CATSPER3: variants seen among roughly 807,000 people sequenced by gnomAD.
CATSPER3 encodes the protein cation channel sperm-associated protein 3.
Under a neutral mutation model 36.6 loss-of-function variants are expected in CATSPER3, and 23 were observed. The observed-to-expected ratio is 0.63, with a 90% CI of 0.45 to 0.89. CATSPER3 has a LOEUF of 0.89. Among genes scored for constraint, CATSPER3 ranks in the 40% least tolerant of loss-of-function variants. CATSPER3 has a pLI of 0.00. For missense variants in CATSPER3, 474 were observed against 503.9 expected, an observed-to-expected ratio of 0.94 and a Z score of 0.57; for synonymous variants, 172 against 184.1, an observed-to-expected ratio of 0.93 and a Z score of 0.53.
At chr5:134,993,190 GA>G (rs1304388204) in intron 2 of CATSPER3, among the ~76,000 whole-genome samples, 1 of 152,148 alleles carries the variant, frequency 6.6e-6, no homozygotes, top group Non-Finnish European at 1.5e-5. Context: ...TCCATGAAGT[GA>G]AAAAAGCCAG....
At chr5:135,000,802 C>A (rs921079217) in intron 3 of CATSPER3, among the ~76,000 whole-genome samples, 1 of 151,918 alleles carries the variant, frequency 6.6e-6, no homozygotes, top group East Asian at 1.9e-4. Context: ...CTATTTGATT[C>A]TTCTCTCTTT....
chr5:134,972,386 G>A (rs1203390320), intron 2 of CATSPER3, among the ~76,000 whole-genome samples: 2 of 152,136 alleles, frequency 1.3e-5, no homozygotes, highest in African/African-American at 2.4e-5. Flanking sequence ...GGGAGAGACT[G>A]TAGCATATGA....
intron 2 of CATSPER3, among the ~76,000 whole-genome samples, chr5:134,985,207 A>G (rs1561459949): frequency 6.6e-6 from 1 of 152,244 alleles, no homozygotes; most frequent in Admixed American, 6.5e-5. Flanking sequence ...TGGATAAAGA[A>G]AATGTGATAT....
At chr5:134,969,100 A>G (rs1044974090) in intron 1 of CATSPER3, 3 of 152,360 alleles carry the variant, frequency 2.0e-5, no homozygotes, top group East Asian at 3.9e-4. Context: ...TGGACATACC[A>G]TAATTTACTT....
At chr5:134,984,096 G>C (rs1008287061) in intron 2 of CATSPER3, among the ~76,000 whole-genome samples, 5 of 152,172 alleles carry the variant, frequency 3.3e-5, no homozygotes, top group Non-Finnish European at 5.9e-5. Context: ...GTAGAAGAAT[G>C]AAACTGGATC....
Position 135,008,022 on chromosome 5 carries a change from C to T in CATSPER3, c.558C>T (p.Leu186=). The T allele has an allele frequency of 1.2e-6, 2 of 1,614,186 alleles. No homozygotes were observed. The highest frequency in any genetic ancestry group is 2.2e-5 in the South Asian group (2 of 91,084). The change falls in exon 4 of 8, where the codon CTC becomes CTT. Residue 186 remains leucine (L), a synonymous_variant. Coordinates refer to ENST00000282611, the MANE Select transcript of CATSPER3 (RefSeq NM_178019.3). ...TVASVLLLLF[L]LMYIFAILGF... ...CCTCTGTGCTCCTCCTGCTCTTCCT[C>T]CTCATGTACATCTTCGCTATCTTGG...
At position 134,981,578 on chromosome 5, in the gene CATSPER3, A is replaced by G. The variant is rs144368503; in HGVS notation, c.252+11486A>G. 3.3e-5 allele frequency among the ~76,000 whole-genome samples: 5 copies of G among 152,356 alleles called. No individual in the cohort carries two copies. The East Asian group carries it at 9.6e-4, about 29-fold the overall frequency. On this transcript the variant is annotated intron_variant, in intron 2 of 7. Coordinates refer to ENST00000282611, the MANE Select transcript of CATSPER3 (RefSeq NM_178019.3). ...TCAGAGATCACACACAACAAAGAAT[A>G]TAGTTCTTTGCAAAAATAGTTTAGA... is the stretch of plus-strand genomic sequence containing the variant.
chr5:134,988,484 A>G (rs924264997), intron 2 of CATSPER3, among the ~76,000 whole-genome samples: 1 of 152,200 alleles, frequency 6.6e-6, no homozygotes, highest in African/African-American at 2.4e-5. Context: ...GCTTTTATCA[A>G]CGAAGTTTAC....
At chr5:134,969,807 T>C (rs1751579424) in intron 1 of CATSPER3, 132 bp from the exon 2 acceptor site, 1 of 924,136 alleles carries the variant, frequency 1.1e-6, no homozygotes, top group Non-Finnish European at 1.8e-6. Context: ...CTCATTGCTA[T>C]TTAAAAGTAT....
In CATSPER3 at chr5:134,968,080, A is replaced by G; in HGVS notation, c.89A>G (p.Lys30Arg). 1 of 1,604,924 alleles carries G rather than the reference A, an allele frequency of 6.2e-7. No individual in the cohort carries two copies. Among genetic ancestry groups the G allele is most frequent in the Non-Finnish European group, 8.5e-7 (1 of 1,171,636 alleles). Residue 30 changes from lysine to arginine, a missense_variant, in exon 1 of 8, where the codon AAG becomes AGG. Physicochemically the swap from Lys to Arg is conservative, Grantham distance 26 (BLOSUM62 2). Coordinates refer to ENST00000282611, the MANE Select transcript of CATSPER3 (RefSeq NM_178019.3). The stretch of plus-strand genomic sequence containing the variant: ...TCGGTGGGATTTTGCCCAACATTCA[A>G]GAAATTTAAGTAAATATTATCTATC... ...TTSVGFCPTF[K>R]KFKRNDDECR...
chr5:134,993,902 A>G (rs1751912998), intron 2 of CATSPER3, among the ~76,000 whole-genome samples: 2 of 152,214 alleles, frequency 1.3e-5, no homozygotes, highest in Non-Finnish European at 2.9e-5. Context: ...ATGCGGGCAG[A>G]TCACGTGAGA....
At chr5:134,993,326 T>C (rs2149549926) in intron 2 of CATSPER3, among the ~76,000 whole-genome samples, 1 of 152,336 alleles carries the variant, frequency 6.6e-6, no homozygotes, top group South Asian at 2.1e-4. Flanking sequence ...GAGAACTTAT[T>C]GTTTATTGGG....
chr5:134,977,328 GA>G (rs1751686162), intron 2 of CATSPER3, among the ~76,000 whole-genome samples: 2 of 152,242 alleles, frequency 1.3e-5, no homozygotes, highest in South Asian at 4.2e-4. Flanking sequence ...GACACATCTT[GA>G]ACATTTTGCT....
At position 135,007,533 on chromosome 5, in the gene CATSPER3, C is replaced by T. The variant is rs150632496; in HGVS notation, c.493-424C>T. 3.2e-4 allele frequency among the ~76,000 whole-genome samples: 48 copies of T among 152,298 alleles called. No individual in the cohort carries two copies. The East Asian group carries it at 8.5e-3, about 27-fold the overall frequency. On this transcript the variant is annotated intron_variant, in intron 3 of 7. Transcript: ENST00000282611. ...CACATTCCTCTCGGCCTTCTGTATA[C>T]TCACTCCCAGAGTCGTTCCCCTACT...
At position 134,970,033 on chromosome 5, in the gene CATSPER3, T is replaced by C. The variant is rs139264127; in HGVS notation, c.193T>C (p.Phe65Leu). The change falls in exon 2 of 8, where the codon TTT becomes CTT. Residue 65 changes from phenylalanine (F) to leucine (L), a missense_variant. Coordinates refer to ENST00000282611, the MANE Select transcript of CATSPER3 (RefSeq NM_178019.3). Reference protein sequence around the residue: ...IMISTVTSNAFFMALWTSYDI... With the variant: ...IMISTVTSNALFMALWTSYDI... Reference sequence around the variant, plus strand: ...GATTAGCACTGTCACATCGAATGCGTTTTTTATGGCCTTGTGGACCAGTTA... The same window carrying C: ...GATTAGCACTGTCACATCGAATGCGCTTTTTATGGCCTTGTGGACCAGTTA... 1.9e-4 allele frequency: 304 copies of C among 1,614,020 alleles called. No homozygotes were observed. The African/African-American group carries it at 3.7e-3, about 20-fold the overall frequency.
At chr5:135,000,003 G>A (rs992932231) in intron 3 of CATSPER3, among the ~76,000 whole-genome samples, 5 of 152,170 alleles carry the variant, frequency 3.3e-5, no homozygotes, top group Non-Finnish European at 7.3e-5. Context: ...CAAAGGGAAT[G>A]CTTCCAGTTT....
chr5:134,991,071 A>C (rs765750333), intron 2 of CATSPER3, among the ~76,000 whole-genome samples: 1 of 152,248 alleles, frequency 6.6e-6, no homozygotes, highest in African/African-American at 2.4e-5. Flanking sequence ...TAAAATACCT[A>C]GGAAAAAATT....
intron 3 of CATSPER3, 142 bp downstream of exon 3, chr5:134,996,654 T>G: frequency 1.3e-6 from 1 of 741,752 alleles, no homozygotes; most frequent in Non-Finnish European, 2.2e-6. Context: ...TTTACCAATA[T>G]TATCTCATTT....
At chr5:134,981,731 T>A (rs181506320) in intron 2 of CATSPER3, among the ~76,000 whole-genome samples, 3 of 152,330 alleles carry the variant, frequency 2.0e-5, no homozygotes, top group Admixed American at 2.0e-4. Flanking sequence ...AACAAAATAT[T>A]ATAAAGCAAT....
Sources: allele counts gnomAD v4.1 joint callset (sites outside exome capture counted in the v4.1 genomes callset), GRCh38; gene constraint gnomAD v4.1.1; transcripts MANE v1.5; gene names NCBI Gene and HGNC (gene_info 2026-07-23, HGNC 2026-07-21).